Variants in DNER observed in about 807,000 individuals in gnomAD.
DNER encodes the protein delta and Notch-like epidermal growth factor-related receptor.
DNER carries 33 observed loss-of-function variants against 78.2 expected under a neutral mutation model. The ratio of observed to expected loss-of-function variants is 0.42; its 90% CI spans 0.32 to 0.56. The LOEUF is 0.56. DNER is among the 20% of genes least tolerant of loss of function. The probability of loss-of-function intolerance (pLI) is 0.11; values close to 1 mark genes in which losing one functional copy is unlikely to be tolerated. For synonymous variants in DNER, 417 were observed against 384.8 expected, an observed-to-expected ratio of 1.08 and a Z score of -0.98; for missense variants, 918 against 975.3, an observed-to-expected ratio of 0.94 and a Z score of 0.78.
At chr2:229,571,023 T>C (rs897672982) in intron 4 of DNER, among the ~76,000 whole-genome samples, 1 of 152,070 alleles carries the variant, frequency 6.6e-6, no homozygotes, top group African/African-American at 2.4e-5. Context: ...CCTCCCCAAA[T>C]ATGGTCCCAG....
intron 5 of DNER, among the ~76,000 whole-genome samples, chr2:229,541,722 C>T (rs1380604821): frequency 6.6e-6 from 1 of 151,894 alleles, no homozygotes; most frequent in East Asian, 1.9e-4. Context: ...TGCATGCAGA[C>T]AGCTTTTGGA....
chr2:229,373,588 G>A (rs1692534906), intron 11 of DNER, among the ~76,000 whole-genome samples: 1 of 152,178 alleles, frequency 6.6e-6, no homozygotes. Context: ...TACTGGGTAT[G>A]TATCCAAAAG....
chr2:229,669,745 T>G (rs746476201), intron 1 of DNER, among the ~76,000 whole-genome samples: 6 of 152,198 alleles, frequency 3.9e-5, no homozygotes, highest in Non-Finnish European at 8.8e-5. Context: ...CTTGTGATTT[T>G]TGCACATTGA....
chr2:229,595,031 C>T (rs1697684841), intron 1 of DNER, among the ~76,000 whole-genome samples: 1 of 145,258 alleles, frequency 6.9e-6, no homozygotes, highest in Non-Finnish European at 1.5e-5. Flanking sequence ...TAACCTAGTA[C>T]AAGCACTAAA....
intron 1 of DNER, among the ~76,000 whole-genome samples, chr2:229,648,216 CATTAACCTAG>C (rs1362894558): frequency 1.3e-5 from 2 of 152,160 alleles, no homozygotes; most frequent in African/African-American, 2.4e-5. Flanking sequence ...GTTGCTTTCC[CATTAACCTAG>C]ATACGGGACT....
chr2:229,570,112 G>GTTGGAGTTGGGTTTCCACACT (rs1376951902), intron 4 of DNER, among the ~76,000 whole-genome samples: 1 of 152,162 alleles, frequency 6.6e-6, no homozygotes, highest in East Asian at 1.9e-4. Context: ...CTGTAAGCAA[G>GTTGGAGTTGGGTTTCCACACT]TTGGAGTTGG....
At chr2:229,547,972 T>G (rs975671508) in intron 4 of DNER, among the ~76,000 whole-genome samples, 1 of 152,228 alleles carries the variant, frequency 6.6e-6, no homozygotes, top group African/African-American at 2.4e-5. Flanking sequence ...ATATGAACAT[T>G]CATTTGTATC....
intron 2 of DNER, among the ~76,000 whole-genome samples, chr2:229,590,643 G>C (rs1697585791): frequency 6.6e-6 from 1 of 152,184 alleles, no homozygotes; most frequent in African/African-American, 2.4e-5. Context: ...AGACCTGAAA[G>C]AGCTCCATAG....
intron 4 of DNER, among the ~76,000 whole-genome samples, chr2:229,553,102 A>G (rs1295209066): frequency 6.6e-6 from 1 of 152,206 alleles, no homozygotes; most frequent in East Asian, 1.9e-4. Flanking sequence ...AATGGGGGCC[A>G]TCCTAGGGCA....
intron 6 of DNER, among the ~76,000 whole-genome samples, chr2:229,479,129 T>C (rs1443108680): frequency 6.6e-6 from 1 of 152,222 alleles, no homozygotes; most frequent in Non-Finnish European, 1.5e-5. Context: ...TCCATGTCCC[T>C]GCAAAGGACA....
intron 7 of DNER, among the ~76,000 whole-genome samples, chr2:229,464,956 A>C (rs533966600): frequency 6.6e-6 from 1 of 152,322 alleles, no homozygotes; most frequent in East Asian, 1.9e-4. Flanking sequence ...AGAAGTCAGA[A>C]TCTGGAGAAA....
chr2:229,417,371 C>T (rs750471151), intron 9 of DNER, among the ~76,000 whole-genome samples: 3 of 152,192 alleles, frequency 2.0e-5, no homozygotes, highest in Non-Finnish European at 4.4e-5. Flanking sequence ...AATCTAAACC[C>T]GGCCCCGTAG....
chr2:229,518,496 G>C (rs1696026149), intron 5 of DNER, among the ~76,000 whole-genome samples: 1 of 152,228 alleles, frequency 6.6e-6, no homozygotes, highest in Admixed American at 6.5e-5. Context: ...AGGAGACAGA[G>C]AGTGACAGTG....
At chr2:229,551,649 T>A (rs1468711636) in intron 4 of DNER, among the ~76,000 whole-genome samples, 1 of 134,098 alleles carries the variant, frequency 7.5e-6, no homozygotes, top group Non-Finnish European at 1.6e-5. Context: ...AAAACATAAA[T>A]AAGGAAGGGC....
At chr2:229,383,094 T>C (rs1404254190) in intron 11 of DNER, among the ~76,000 whole-genome samples, 1 of 151,984 alleles carries the variant, frequency 6.6e-6, no homozygotes, top group Non-Finnish European at 1.5e-5. Context: ...CAGAAGAGAG[T>C]GGAGGCCAAT....
chr2:229,489,601 C>G (rs1447904345), intron 6 of DNER, among the ~76,000 whole-genome samples: 1 of 151,516 alleles, frequency 6.6e-6, no homozygotes, highest in Non-Finnish European at 1.5e-5. Flanking sequence ...CTGGTGCAGG[C>G]AAAGTGCTGA....
At chr2:229,562,663 C>T (rs1466097980) in intron 4 of DNER, among the ~76,000 whole-genome samples, 4 of 152,096 alleles carry the variant, frequency 2.6e-5, no homozygotes, top group African/African-American at 9.7e-5. Flanking sequence ...CAGGCTCTGC[C>T]ACCAGATGGC....
chr2:229,371,038 G>A (rs946282140), intron 11 of DNER, among the ~76,000 whole-genome samples: 2 of 152,078 alleles, frequency 1.3e-5, no homozygotes, highest in African/African-American at 2.4e-5. Context: ...CAAGCTGTTC[G>A]GACTTTTGGA....
chr2:229,677,997 T>A (rs1699323696), intron 1 of DNER, among the ~76,000 whole-genome samples: 1 of 152,196 alleles, frequency 6.6e-6, no homozygotes, highest in South Asian at 2.1e-4. Context: ...AGTTTGTTGA[T>A]CCTAACAAAG....
Sources: gnomAD v4.1 joint callset for allele counts (sites outside exome capture counted in the v4.1 genomes callset) on GRCh38, gnomAD v4.1.1 for gene constraint, MANE v1.5 for transcripts, NCBI Gene and HGNC (gene_info 2026-07-23, HGNC 2026-07-21) for gene names.